Variants in IFNAR2 observed in about 807,000 individuals in gnomAD.
IFNAR2 encodes interferon alpha/beta receptor 2.
Under a neutral mutation model 49.4 loss-of-function variants are expected in IFNAR2, and 30 were observed. The observed-to-expected ratio is 0.61, with a 90% CI of 0.45 to 0.82. The LOEUF is 0.82. Among genes scored for constraint, IFNAR2 ranks in the 40% least tolerant of loss-of-function variants. The probability of loss-of-function intolerance (pLI) is 0.00; values close to 1 mark genes in which losing one functional copy is unlikely to be tolerated. For synonymous variants in IFNAR2, 224 were observed against 234.5 expected (o/e 0.96, Z 0.41); for missense variants, 600 against 622.7 (o/e 0.96, Z 0.39).
chr21:33,237,078 G>GGTGGGGGTGTGTGTGT (rs57276350), intron 1 of IFNAR2, among the ~76,000 whole-genome samples: 13 of 147,698 alleles, frequency 8.8e-5, no homozygotes, highest in East Asian at 6.0e-4. Context: ...GGGAGAATGG[G>GGTGGGGGTGTGTGTGT]GTGTGTGTGT....
rs899733738 is a variant in IFNAR2, at chr21:33,230,346, C to T, written c.-84+130C>T. Reference sequence around the variant, plus strand: ...CTCGCTCTCCCCGACTCCTCCTCCTCCTCCTGCCCTCCCTCTGCGTCTTGA... The same window carrying T: ...CTCGCTCTCCCCGACTCCTCCTCCTTCTCCTGCCCTCCCTCTGCGTCTTGA... On this transcript the variant is annotated intron_variant, in intron 1 of 8. Coordinates refer to ENST00000342136, the MANE Select transcript of IFNAR2 (RefSeq NM_001289125.3). The surrounding 1 kb of genome is among the most constrained non-coding windows in gnomAD (Gnocchi z 5.5). 6.8e-6 allele frequency: 5 copies of T among 736,930 alleles called. No homozygotes were observed. Among genetic ancestry groups the T allele is most frequent in the African/African-American group, 1.9e-5 (1 of 52,490 alleles). 45.6% of individuals were successfully genotyped at this position (736,930 alleles called of 1,614,324 possible). A position where few individuals can be genotyped will look rare whatever the true frequency, so the allele number is the denominator to read the frequency against.
At chr21:33,241,127 G>C (rs184243287) in intron 1 of IFNAR2, among the ~76,000 whole-genome samples, 208 of 152,220 alleles carry the variant, frequency 1.4e-3, no homozygotes, top group African/African-American at 4.9e-3. Flanking sequence ...TACACTAAAA[G>C]CCCAAATTTC....
intron 7 of IFNAR2, among the ~76,000 whole-genome samples, chr21:33,253,987 C>G (rs1988042289): frequency 6.6e-6 from 1 of 152,174 alleles, no homozygotes; most frequent in Non-Finnish European, 1.5e-5. Flanking sequence ...GGTCCCAGCC[C>G]CATTTTACCC....
chr21:33,248,694 T>C lies in IFNAR2; in HGVS notation c.395-15T>C. ...CTCTGTGACATATTCCTGTCTGTTT[T>C]TGTTTTTTGCACAGTGTCTTTTGAA... On this transcript the variant is annotated splice_polypyrimidine_tract_variant and intron_variant, in intron 5 of 8. Transcript: ENST00000342136. 1 of 1,592,560 alleles carries C rather than the reference T, an allele frequency of 6.3e-7. No individual in the cohort carries two copies.
At chr21:33,244,261 C>T (rs569445246) in intron 3 of IFNAR2, among the ~76,000 whole-genome samples, 2 of 152,242 alleles carry the variant, frequency 1.3e-5, no homozygotes, top group Admixed American at 6.5e-5. Context: ...AAAATTTAAC[C>T]GTATAAGGCA....
At chr21:33,244,184 G>A (rs993963137) in intron 3 of IFNAR2, among the ~76,000 whole-genome samples, 7 of 152,092 alleles carry the variant, frequency 4.6e-5, no homozygotes, top group Non-Finnish European at 8.8e-5. Context: ...GTTGGTTGGG[G>A]GTGAAGAGTT....
chr21:33,261,099 T>A (rs928183095), intron 8 of IFNAR2, among the ~76,000 whole-genome samples: 1 of 146,534 alleles, frequency 6.8e-6, no homozygotes, highest in Non-Finnish European at 1.5e-5. Context: ...TACAGTGGCG[T>A]GATCTCAGCT....
intron 6 of IFNAR2, among the ~76,000 whole-genome samples, chr21:33,251,224 G>A (rs1165221695): frequency 6.6e-6 from 1 of 152,166 alleles, no homozygotes; most frequent in East Asian, 1.9e-4. Context: ...CTGAGAAAGA[G>A]CAACCAGCAT....
intron 7 of IFNAR2, among the ~76,000 whole-genome samples, chr21:33,258,777 A>G (rs1299354427): frequency 6.6e-6 from 1 of 152,156 alleles, no homozygotes; most frequent in Non-Finnish European, 1.5e-5. Flanking sequence ...GTCAGAAAAG[A>G]TGGAGGAGCC....
chr21:33,238,364 C>T (rs1411873227), intron 1 of IFNAR2, among the ~76,000 whole-genome samples: 2 of 152,146 alleles, frequency 1.3e-5, no homozygotes, highest in Admixed American at 6.5e-5. Context: ...CACAGACAGT[C>T]GCCACAAGCC....
chr21:33,262,728 T>C (rs1038182669), intron 8 of IFNAR2, 65 bp from the exon 9 acceptor site: 13 of 1,590,214 alleles, frequency 8.2e-6, no homozygotes, highest in African/African-American at 1.4e-5. Context: ...TTTTATTATG[T>C]AGAAAATAAA....
chr21:33,247,254 C>CTTTTTTTTTTTTTTTTTTTTTTTTTTTT (rs59707670), intron 5 of IFNAR2, among the ~76,000 whole-genome samples: 5 of 91,574 alleles, frequency 5.5e-5, no homozygotes, highest in South Asian at 7.4e-4. Context: ...TTCTTTCTTT[C>CTTTTTTTTTTTTTTTTTTTTTTTTTTTT]TTTTTTTTTT....
chr21:33,254,197 C>T (rs1025651421), intron 7 of IFNAR2, among the ~76,000 whole-genome samples: 1 of 152,172 alleles, frequency 6.6e-6, no homozygotes, highest in Non-Finnish European at 1.5e-5. Flanking sequence ...GTAAAGTAAA[C>T]CTGAAACACT....
chr21:33,232,489 GGT>G (rs1986136138), intron 1 of IFNAR2, among the ~76,000 whole-genome samples: 1 of 151,976 alleles, frequency 6.6e-6, no homozygotes, highest in African/African-American at 2.4e-5. Context: ...TTTATCATCT[GGT>G]ACGTGGAGAT....
At chr21:33,239,862 A>G (rs1358582075) in intron 1 of IFNAR2, among the ~76,000 whole-genome samples, 5 of 8,454 alleles carry the variant, frequency 5.9e-4, no homozygotes, top group African/African-American at 1.4e-3. Context: ...TACAGGTTCT[A>G]TATTCTCCCT....
In IFNAR2 at chr21:33,230,495, C is replaced by T. The variant is rs1364137013; in HGVS notation, c.-84+279C>T. ...CTGGGAGTCCGCTTTCGTTGCACCCCTCCGCGTCCCACCCCACCCCACCAA... is the reference window on the plus strand; with the variant it reads ...CTGGGAGTCCGCTTTCGTTGCACCCTTCCGCGTCCCACCCCACCCCACCAA... On this transcript the variant is annotated intron_variant, in intron 1 of 8. Transcript: ENST00000342136. The surrounding 1 kb of genome is among the most constrained non-coding windows in gnomAD (Gnocchi z 5.5). The T allele has an allele frequency of 6.4e-6, 3 of 470,400 alleles. No homozygotes were observed. The highest frequency in any genetic ancestry group is 3.1e-5 in the South Asian group (2 of 64,458). 29.1% of individuals were successfully genotyped at this position (470,400 alleles called of 1,614,324 possible).
chr21:33,260,489 C>T, intron 7 of IFNAR2, 108 bp from the exon 8 acceptor site: 2 of 1,059,396 alleles, frequency 1.9e-6, no homozygotes, highest in Non-Finnish European at 1.3e-6. Context: ...TTTTTCAAAC[C>T]TTTGGTTTCT....
intron 6 of IFNAR2, chr21:33,251,506 A>G: frequency 3.1e-6 from 3 of 973,030 alleles, no homozygotes; most frequent in Non-Finnish European, 3.7e-6. Context: ...CCAAACAGGG[A>G]AGGAGATTGT....
In IFNAR2 at chr21:33,263,058, A is replaced by T. The variant is rs559328944; in HGVS notation, c.1106A>T (p.Asp369Val). 6.2e-7 allele frequency: 1 copy of T among 1,614,116 alleles called. No homozygotes were observed. The highest frequency in any genetic ancestry group is 2.2e-5 in the East Asian group (1 of 44,868). Reference protein sequence around the residue: ...LIDPESEEEPDLPEVDVELPT... With the variant: ...LIDPESEEEPVLPEVDVELPT... ...GACCCGGAGTCCGAGGAGGAGCCTG[A>T]CCTGCCTGAGGTTGATGTGGAGCTC... Residue 369 changes from aspartate (D) to valine (V), a missense_variant, in exon 9 of 9, where the codon GAC (aspartate) becomes GTC (valine). Physicochemically the swap from Asp to Val is radical, Grantham distance 152 (BLOSUM62 -3). Transcript: ENST00000342136.
Sources: allele counts gnomAD v4.1 joint callset (sites outside exome capture counted in the v4.1 genomes callset), GRCh38; gene constraint gnomAD v4.1.1; non-coding constraint Gnocchi (gnomAD v3.1); transcripts MANE v1.5; gene names NCBI Gene and HGNC (gene_info 2026-07-23, HGNC 2026-07-21).